Variants in UBE3A observed in about 807,000 individuals in gnomAD.
UBE3A encodes the protein ubiquitin protein ligase E3A.
In UBE3A, 6 loss-of-function variants were observed where a neutral mutation model predicts 83.4. The ratio of observed to expected loss-of-function variants is 0.07; its 90% confidence interval spans 0.04 to 0.14. The LOEUF (loss-of-function observed/expected upper bound fraction) is 0.14. Ranked by LOEUF, UBE3A falls within the 10% of genes least tolerant of loss-of-function variation. UBE3A has a pLI of 1.00. For synonymous variants in UBE3A, 337 were observed against 355.4 expected, an observed-to-expected ratio of 0.95 and a Z score of 0.58; for missense variants, 456 against 1,036.1, an observed-to-expected ratio of 0.44 and a Z score of 7.69.
chr15:25,386,369 CCAGATA>C (rs2083134567), intron 4 of UBE3A, among the ~76,000 whole-genome samples: 1 of 152,030 alleles, frequency 6.6e-6, no homozygotes, highest in African/African-American at 2.4e-5. Context: ...AGCACCAGGA[CCAGATA>C]CAGCAGGGAT....
chr15:25,431,180 C>T (rs995301804), intron 1 of UBE3A, among the ~76,000 whole-genome samples: 2 of 152,150 alleles, frequency 1.3e-5, no homozygotes, highest in African/African-American at 2.4e-5. Context: ...ACTTTATCCA[C>T]GTAACTTCCT....
At chr15:25,364,703 G>A (rs2078776981) in intron 6 of UBE3A, among the ~76,000 whole-genome samples, 1 of 150,088 alleles carries the variant, frequency 6.7e-6, no homozygotes, top group African/African-American at 2.5e-5. Context: ...GAGTGCAGTG[G>A]CGCAATCTTG....
intron 11 of UBE3A, 90 bp from the exon 12 acceptor site, chr15:25,340,318 T>C: frequency 6.9e-7 from 1 of 1,451,056 alleles, no homozygotes; most frequent in South Asian, 1.1e-5. Context: ...AAAACTATAT[T>C]AAGAGACAAC....
intron 2 of UBE3A, among the ~76,000 whole-genome samples, chr15:25,410,517 C>T (rs2089763198): frequency 6.6e-6 from 1 of 152,266 alleles, no homozygotes; most frequent in Admixed American, 6.5e-5. Flanking sequence ...GAGGAAGAAA[C>T]CTTTCATAAT....
At chr15:25,410,132 T>TTAAAGTATAA (rs1285745603) in intron 2 of UBE3A, among the ~76,000 whole-genome samples, 1 of 150,246 alleles carries the variant, frequency 6.7e-6, no homozygotes, top group African/African-American at 2.5e-5. Flanking sequence ...ACCCTAAAAC[T>TTAAAGTATAA]TAAAGTATAA....
rs1057523671 is a variant in UBE3A, at chr15:25,360,516, G to A, written c.1620C>T (p.Ile540=). 9 of 1,613,434 alleles carry A rather than the reference G, an allele frequency of 5.6e-6. No homozygotes were observed. The highest frequency in any genetic ancestry group is 1.3e-5 in the African/African-American group (1 of 75,016). ...TCAAGTCTGCAGGATTTTCCATAGCGATCATCTCTAGCTAGTGATTGAAAA... is the reference window on the plus strand; with the variant it reads ...TCAAGTCTGCAGGATTTTCCATAGCAATCATCTCTAGCTAGTGATTGAAAA... ...IDDALVRLEM[I]AMENPADLKK... The change falls in exon 7 of 13, where the codon ATC becomes ATT. Residue 540 remains isoleucine (I), a synonymous_variant. Coordinates refer to ENST00000648336, the MANE Select transcript of UBE3A (RefSeq NM_130839.5).
At chr15:25,437,054 AAT>A (rs1895315934) in intron 1 of UBE3A, among the ~76,000 whole-genome samples, 1 of 152,192 alleles carries the variant, frequency 6.6e-6, no homozygotes, top group South Asian at 2.1e-4. Context: ...AAAGATTGAA[AAT>A]TATTTCTTGA....
intron 3 of UBE3A, chr15:25,406,939 C>A: frequency 2.7e-6 from 1 of 376,416 alleles, no homozygotes; most frequent in Non-Finnish European, 4.0e-6. Context: ...TTCAATTTTG[C>A]ACAAAATTAC....
chr15:25,342,621 C>G (rs967679669), intron 11 of UBE3A, among the ~76,000 whole-genome samples: 1 of 150,942 alleles, frequency 6.6e-6, no homozygotes, highest in Non-Finnish European at 1.5e-5. Context: ...AAAATCTACC[C>G]GGATCAAAAA....
intron 4 of UBE3A, among the ~76,000 whole-genome samples, chr15:25,404,356 C>G (rs2087922895): frequency 6.6e-6 from 1 of 152,110 alleles, no homozygotes; most frequent in African/African-American, 2.4e-5. Flanking sequence ...AGGTCAATCA[C>G]TATATCTGCA....
At chr15:25,407,426 CT>C in intron 3 of UBE3A, 1 of 297,880 alleles carries the variant, frequency 3.4e-6, no homozygotes, top group Non-Finnish European at 5.2e-6. Context: ...AAATCTAAGT[CT>C]TAGAAGTACA....
intron 11 of UBE3A, among the ~76,000 whole-genome samples, chr15:25,351,272 G>C (rs375544862): frequency 2.0e-5 from 3 of 152,120 alleles, no homozygotes; most frequent in Admixed American, 2.0e-4. Context: ...TTTTTCTTAA[G>C]AAGTATTACA....
At chr15:25,416,866 G>A (rs1887134465) in intron 1 of UBE3A, among the ~76,000 whole-genome samples, 1 of 152,112 alleles carries the variant, frequency 6.6e-6, no homozygotes, top group African/African-American at 2.4e-5. Context: ...ATGTCTGCCT[G>A]GAGGTAATTT....
chr15:25,389,151 A>C (rs1429051639), intron 4 of UBE3A, among the ~76,000 whole-genome samples: 2 of 152,108 alleles, frequency 1.3e-5, no homozygotes, highest in Non-Finnish European at 2.9e-5. Flanking sequence ...CCAGAAATGG[A>C]CCCACATAGT....
At chr15:25,343,937 A>G (rs1299250582) in intron 11 of UBE3A, among the ~76,000 whole-genome samples, 2 of 152,218 alleles carry the variant, frequency 1.3e-5, no homozygotes, top group African/African-American at 4.8e-5. Context: ...GCAAATAAGT[A>G]AACATCCACA....
At chr15:25,367,185 ATGTAAATATTTACATATT>A (rs1261016588) in intron 6 of UBE3A, among the ~76,000 whole-genome samples, 25 of 109,002 alleles carry the variant, frequency 2.3e-4, no homozygotes, top group South Asian at 5.0e-4. Flanking sequence ...ATTTGTAAAT[ATGTAAATATTTACATATT>A]TGTAAATATG....
intron 6 of UBE3A, among the ~76,000 whole-genome samples, chr15:25,361,013 GTC>G (rs2077983788): frequency 6.6e-6 from 1 of 152,004 alleles, no homozygotes; most frequent in South Asian, 2.1e-4. Context: ...GCAGTTTATG[GTC>G]TCTCACAGTA....
chr15:25,363,539 A>G (rs997409094), intron 6 of UBE3A, among the ~76,000 whole-genome samples: 1 of 152,206 alleles, frequency 6.6e-6, no homozygotes, highest in Non-Finnish European at 1.5e-5. Context: ...AAGGACCCCA[A>G]GATACTGAAA....
intron 1 of UBE3A, among the ~76,000 whole-genome samples, chr15:25,434,722 G>A (rs866266763): frequency 4.6e-5 from 7 of 152,286 alleles, no homozygotes; most frequent in African/African-American, 1.7e-4. Context: ...TGTGTGCAGA[G>A]TCCTGAACTA....
Sources: allele counts gnomAD v4.1 joint callset (sites outside exome capture counted in the v4.1 genomes callset), GRCh38; gene constraint gnomAD v4.1.1; transcripts MANE v1.5; gene names NCBI Gene and HGNC (gene_info 2026-07-23, HGNC 2026-07-21).